RSRC1: variants seen among roughly 807,000 people sequenced by gnomAD.
RSRC1 encodes arginine and serine rich coiled-coil 1, also known as serine/Arginine-related protein 53.
Under a neutral mutation model 49.1 loss-of-function variants are expected in RSRC1, and 39 were observed. The ratio of observed to expected loss-of-function variants is 0.79; its 90% CI spans 0.61 to 1.04. RSRC1 has a LOEUF of 1.04. Among genes scored for constraint, RSRC1 ranks in the 50% least tolerant of loss-of-function variants. The probability of loss-of-function intolerance (pLI) is 0.00; values close to 1 mark genes in which losing one functional copy is unlikely to be tolerated. For missense variants in RSRC1, 388 were observed against 402.4 expected (o/e 0.96, Z 0.31); for synonymous variants, 143 against 130.8 (o/e 1.09, Z -0.63).
intron 4 of RSRC1, among the ~76,000 whole-genome samples, chr3:158,242,093 A>G (rs547507258): frequency 4.5e-4 from 51 of 113,604 alleles, no homozygotes; most frequent in Non-Finnish European, 7.0e-4. Flanking sequence ...GTGCAGCTTC[A>G]TTACATAGTT....
chr3:158,496,774 A>G (rs1382241631), intron 7 of RSRC1: 2 of 270,730 alleles, frequency 7.4e-6, no homozygotes, highest in Non-Finnish European at 1.6e-5. Flanking sequence ...AATCTACCTA[A>G]GTAAGGTTGA....
intron 7 of RSRC1, among the ~76,000 whole-genome samples, chr3:158,507,289 G>A (rs1739903860): frequency 6.6e-6 from 1 of 151,790 alleles, no homozygotes; most frequent in African/African-American, 2.4e-5. Context: ...AATAACAGAT[G>A]GAAGAAATAA....
intron 7 of RSRC1, among the ~76,000 whole-genome samples, chr3:158,477,014 G>A (rs528471010): frequency 7.2e-5 from 11 of 152,292 alleles, no homozygotes; most frequent in Middle Eastern, 6.8e-3. Flanking sequence ...TTCAGTGGAG[G>A]AAGTAACAGC....
intron 7 of RSRC1, among the ~76,000 whole-genome samples, chr3:158,511,466 GGTTGCATAGTATTCCATGGT>G (rs1740174049): frequency 6.6e-6 from 1 of 152,062 alleles, no homozygotes; most frequent in Non-Finnish European, 1.5e-5. Context: ...CATTTTTTAT[GGTTGCATAGTATTCCATGGT>G]GTATATGTGC....
At chr3:158,461,050 T>A in intron 7 of RSRC1, 47 bp downstream of exon 7, 1 of 1,415,774 alleles carries the variant, frequency 7.1e-7, no homozygotes, top group Non-Finnish European at 9.9e-7. Context: ...TATTTGGCTG[T>A]ATTTCCTGAA....
chr3:158,161,313 T>A (rs1251184402), intron 3 of RSRC1, among the ~76,000 whole-genome samples: 2 of 152,176 alleles, frequency 1.3e-5, no homozygotes, highest in African/African-American at 4.8e-5. Flanking sequence ...GATCAGCCCC[T>A]ACTCAAAACA....
Position 158,144,970 on chromosome 3 carries a change from G to T in RSRC1, c.320+20979G>T, listed in dbSNP as rs1463056741. Among the ~76,000 whole-genome samples, 6 of 152,140 alleles carry T rather than the reference G, an allele frequency of 3.9e-5. No individual in the cohort carries two copies. In the East Asian group the frequency reaches 7.7e-4, roughly 20 times the overall value. Reference sequence around the variant, plus strand: ...GTCTGTTCATATCCTTTGCCCACTTGTTGATGGGGTTGTTTTTTTCTTGTA... The same window carrying T: ...GTCTGTTCATATCCTTTGCCCACTTTTTGATGGGGTTGTTTTTTTCTTGTA... On this transcript the variant is annotated intron_variant, in intron 3 of 9. Coordinates refer to ENST00000611884, the MANE Select transcript of RSRC1 (RefSeq NM_001271838.2).
intron 7 of RSRC1, among the ~76,000 whole-genome samples, chr3:158,501,335 G>T (rs778449208): frequency 6.6e-6 from 1 of 151,928 alleles, no homozygotes; most frequent in African/African-American, 2.4e-5. Context: ...GTGTATTCTG[G>T]GGTTGTTGGT....
intron 3 of RSRC1, among the ~76,000 whole-genome samples, chr3:158,157,743 C>T (rs949970210): frequency 5.9e-5 from 9 of 152,168 alleles, no homozygotes; most frequent in Non-Finnish European, 1.2e-4. Context: ...TGGAGAAACC[C>T]CATGTCTACT....
intron 5 of RSRC1, among the ~76,000 whole-genome samples, chr3:158,353,372 A>T (rs1730980306): frequency 6.6e-6 from 1 of 152,200 alleles, no homozygotes; most frequent in African/African-American, 2.4e-5. Flanking sequence ...GTCCAGATAA[A>T]TATTTTAGGC....
At chr3:158,186,136 G>A (rs1053280495) in intron 3 of RSRC1, among the ~76,000 whole-genome samples, 4 of 151,570 alleles carry the variant, frequency 2.6e-5, no homozygotes, top group Admixed American at 6.6e-5. Flanking sequence ...AACAATAAAC[G>A]CCGTTTTAAA....
At chr3:158,459,988 A>T (rs1737532571) in intron 6 of RSRC1, among the ~76,000 whole-genome samples, 1 of 151,958 alleles carries the variant, frequency 6.6e-6, no homozygotes, top group African/African-American at 2.4e-5. Flanking sequence ...TTGCATAGGA[A>T]AAATATATGC....
chr3:158,492,242 C>G (rs1475264675), intron 7 of RSRC1, among the ~76,000 whole-genome samples: 1 of 152,180 alleles, frequency 6.6e-6, no homozygotes, highest in Non-Finnish European at 1.5e-5. Flanking sequence ...CACCAGGTCC[C>G]TCCCTTGAGA....
chr3:158,175,966 T>C (rs1290174024), intron 3 of RSRC1, among the ~76,000 whole-genome samples: 1 of 152,080 alleles, frequency 6.6e-6, no homozygotes, highest in African/African-American at 2.4e-5. Flanking sequence ...GCCATGGTTC[T>C]GAGCTTGATC....
At chr3:158,317,857 G>A (rs904388031) in intron 5 of RSRC1, among the ~76,000 whole-genome samples, 3 of 152,114 alleles carry the variant, frequency 2.0e-5, no homozygotes, top group Non-Finnish European at 4.4e-5. Context: ...ACCGTGCCTG[G>A]CCTAAAAAAC....
chr3:158,522,633 A>C lies in RSRC1; in HGVS notation c.653-14459A>C, dbSNP rs1711751925. On this transcript the variant is annotated intron_variant, in intron 7 of 9. Transcript: ENST00000611884. ...AGGAGATTATAATTGCAGATTTCAG[A>C]ACACAGTTTAGTATACTTATGTATA... Among the ~76,000 whole-genome samples the C allele has an allele frequency of 2.6e-5, 4 of 152,290 alleles. No homozygotes were observed. The South Asian group carries it at 6.2e-4, about 24-fold the overall frequency.
chr3:158,198,111 A>G (rs1412709963), intron 3 of RSRC1, among the ~76,000 whole-genome samples: 2 of 151,846 alleles, frequency 1.3e-5, no homozygotes, highest in Admixed American at 6.6e-5. Flanking sequence ...TCCCATTATT[A>G]ATGTGTGGGA....
chr3:158,195,591 G>A (rs1398301825), intron 3 of RSRC1, among the ~76,000 whole-genome samples: 2 of 152,076 alleles, frequency 1.3e-5, no homozygotes, highest in Non-Finnish European at 2.9e-5. Context: ...TGTCCTGAAT[G>A]GTATTGCCTA....
chr3:158,258,648 T>C (rs1724711310), intron 4 of RSRC1, among the ~76,000 whole-genome samples: 1 of 152,178 alleles, frequency 6.6e-6, no homozygotes, highest in African/African-American at 2.4e-5. Context: ...TCTGTCTCTT[T>C]CTCTACCTCC....
Sources: gnomAD v4.1 joint callset for allele counts (sites outside exome capture counted in the v4.1 genomes callset) on GRCh38, gnomAD v4.1.1 for gene constraint, MANE v1.5 for transcripts, NCBI Gene and HGNC (gene_info 2026-07-23, HGNC 2026-07-21) for gene names.